Variants in FAM13B observed in about 807,000 individuals in gnomAD.
FAM13B encodes the protein protein FAM13B.
A neutral mutation model predicts 117.3 loss-of-function variants in FAM13B; 60 were observed. The observed-to-expected ratio is 0.51, with a 90% CI of 0.42 to 0.63. FAM13B has a LOEUF of 0.63. Ranked by LOEUF, FAM13B falls within the 30% of genes least tolerant of loss-of-function variation. The pLI, the probability that FAM13B is intolerant of heterozygous loss-of-function variation, is 0.00. For missense variants in FAM13B, 972 were observed against 1,091.9 expected (o/e 0.89, Z 1.55); for synonymous variants, 332 against 356.1 (o/e 0.93, Z 0.76).
chr5:137,946,402 C>G, intron 18 of FAM13B, 91 bp from the exon 19 acceptor site: 11 of 792,808 alleles, frequency 1.4e-5, no homozygotes, highest in Non-Finnish European at 6.0e-6. Flanking sequence ...CTCCTCACTC[C>G]CACAATGTAA....
At chr5:137,984,259 C>A (rs1024411548) in intron 10 of FAM13B, among the ~76,000 whole-genome samples, 3 of 152,082 alleles carry the variant, frequency 2.0e-5, no homozygotes, top group African/African-American at 7.2e-5. Context: ...GAGAAGTTAC[C>A]CTTTTATAAA....
intron 7 of FAM13B, among the ~76,000 whole-genome samples, chr5:137,999,015 T>A (rs1041138041): frequency 6.6e-6 from 1 of 152,066 alleles, no homozygotes; most frequent in African/African-American, 2.4e-5. Flanking sequence ...AGGTCCCCCA[T>A]CATTGGTGGC....
chr5:138,015,581 T>C (rs1440213849), intron 4 of FAM13B, among the ~76,000 whole-genome samples: 1 of 152,166 alleles, frequency 6.6e-6, no homozygotes, highest in East Asian at 1.9e-4. Flanking sequence ...CACACACCTG[T>C]AGTCCCTGCT....
chr5:138,030,094 T>G (rs1789497705), intron 1 of FAM13B, among the ~76,000 whole-genome samples: 1 of 152,218 alleles, frequency 6.6e-6, no homozygotes, highest in South Asian at 2.1e-4. Flanking sequence ...GCTAGTTCAC[T>G]GACCTGGAAC....
chr5:138,033,096 G>A, upstream of FAM13B: 1 of 979,580 alleles, frequency 1.0e-6, no homozygotes, highest in Non-Finnish European at 1.2e-6. Flanking sequence ...CGGAGGCCGG[G>A]CCGGACGTGA....
chr5:138,028,089 T>C (rs955411397), intron 1 of FAM13B, among the ~76,000 whole-genome samples: 2 of 152,248 alleles, frequency 1.3e-5, no homozygotes, highest in Non-Finnish European at 2.9e-5. Context: ...ATTAAGTTCA[T>C]ACTGGCTTGG....
In FAM13B at chr5:137,983,140, C is replaced by G. The variant is rs138633884; in HGVS notation, c.1179+2117G>C. ...AGAGATTCAGAAGAGGAAGAGCAAT[C>G]AGCAGAGGGGAATGAGAAAGAACAG... On this transcript the variant is annotated intron_variant, in intron 10 of 23. Coordinates refer to ENST00000689681, the MANE Select transcript of FAM13B (RefSeq NM_001385994.1). Among the ~76,000 whole-genome samples, 945 of 118,604 alleles carry G rather than the reference C, an allele frequency of 8.0e-3. 10 individuals are homozygous for G. Among genetic ancestry groups the G allele is most frequent in the Middle Eastern group, 0.03 (5 of 164 alleles). 77.8% of individuals were successfully genotyped at this position (118,604 alleles called of 152,430 possible).
At chr5:138,044,137 C>T (rs1461688023) in intron 1 of FAM13B, among the ~76,000 whole-genome samples, 1 of 152,002 alleles carries the variant, frequency 6.6e-6, no homozygotes, top group African/African-American at 2.4e-5. Context: ...CTATGTTGCC[C>T]AGGCTGGTCT....
chr5:138,014,241 G>A (rs1391509058), intron 4 of FAM13B, among the ~76,000 whole-genome samples: 15 of 152,176 alleles, frequency 9.9e-5, no homozygotes, highest in Admixed American at 9.8e-4. Flanking sequence ...CCAGCCATGA[G>A]GGCAGAGATT....
chr5:137,948,826 G>A (rs1344756367), intron 18 of FAM13B, 129 bp downstream of exon 18: 2 of 672,000 alleles, frequency 3.0e-6, no homozygotes. Flanking sequence ...TCATGTTTCT[G>A]AATCTGCAAA....
chr5:138,004,748 C>T (rs1156374317), intron 7 of FAM13B, among the ~76,000 whole-genome samples: 1 of 151,750 alleles, frequency 6.6e-6, no homozygotes, highest in African/African-American at 2.4e-5. Context: ...GGCATGGTAG[C>T]GAGCACCTGT....
chr5:137,986,813 C>G (rs572712215), intron 9 of FAM13B, among the ~76,000 whole-genome samples: 144 of 152,236 alleles, frequency 9.5e-4, no homozygotes, highest in Middle Eastern at 3.4e-3. Flanking sequence ...CACAACATCC[C>G]AAGGAGAGGT....
chr5:138,038,027 T>C (rs1791323654), upstream of FAM13B, among the ~76,000 whole-genome samples: 1 of 152,196 alleles, frequency 6.6e-6, no homozygotes, highest in African/African-American at 2.4e-5. Flanking sequence ...CCATATACAA[T>C]TTTTTCAGTT....
chr5:137,982,744 T>G (rs1445449504), intron 10 of FAM13B, among the ~76,000 whole-genome samples: 1 of 152,132 alleles, frequency 6.6e-6, no homozygotes, highest in African/African-American at 2.4e-5. Flanking sequence ...AATACACAGG[T>G]GTGTCTGTTT....
chr5:137,945,375 C>G (rs1763153171), intron 20 of FAM13B, among the ~76,000 whole-genome samples: 1 of 152,146 alleles, frequency 6.6e-6, no homozygotes, highest in Admixed American at 6.5e-5. Context: ...TTTAAAAATG[C>G]ACACAAATAC....
chr5:137,949,052 T>G lies in FAM13B; in HGVS notation c.2063A>C (p.Gln688Pro). 6.2e-7 allele frequency: 1 copy of G among 1,614,084 alleles called. No individual in the cohort carries two copies. Residue 688 changes from glutamine (Q) to proline (P), a missense_variant, in exon 18 of 24, where the codon CAG (glutamine) becomes CCG (proline). By Grantham distance (76) the Gln-to-Pro change is moderately conservative (BLOSUM62 -1). Transcript: ENST00000689681. Reference sequence around the variant, plus strand: ...TTCTTTAGATGGTTTTTTCTCCTTCTGAATGACCTTGGGTTCATCTTCATT... The same window carrying G: ...TTCTTTAGATGGTTTTTTCTCCTTCGGAATGACCTTGGGTTCATCTTCATT... ...EENEDEPKVI[Q>P]KEKKPSKEAT...
intron 10 of FAM13B, among the ~76,000 whole-genome samples, chr5:137,968,531 AGTTTATGTAGATCACATAAAGCT>A (rs879347264): frequency 6.6e-6 from 1 of 152,096 alleles, no homozygotes; most frequent in Non-Finnish European, 1.5e-5. Flanking sequence ...CTAGTACTAC[AGTTTATGTAGATCACATAAAGCT>A]GTTTATGTGA....
At position 138,011,059 on chromosome 5, in the gene FAM13B, C is replaced by T; in HGVS notation, c.639G>A (p.Glu213=). The T allele has an allele frequency of 6.2e-7, 1 of 1,607,764 alleles. No homozygotes were observed. ...GLLENYYEFF[E]NEEEDFSSND... The stretch of plus-strand genomic sequence containing the variant: ...TAGATGAAAAATCTTCCTCTTCATT[C>T]TCAAAAAACTCATAGTAGTTTTCCA... Residue 213 remains glutamate, a synonymous_variant, in exon 6 of 24, where the codon GAG becomes GAA. Coordinates refer to ENST00000689681, the MANE Select transcript of FAM13B (RefSeq NM_001385994.1).
At chr5:138,016,242 T>C (rs1381606886) in intron 4 of FAM13B, among the ~76,000 whole-genome samples, 1 of 152,176 alleles carries the variant, frequency 6.6e-6, no homozygotes, top group Non-Finnish European at 1.5e-5. Context: ...GTTTACAATT[T>C]ATGACCAGAA....
Sources: gnomAD v4.1 joint callset for allele counts (sites outside exome capture counted in the v4.1 genomes callset) on GRCh38, gnomAD v4.1.1 for gene constraint, MANE v1.5 for transcripts, NCBI Gene and HGNC (gene_info 2026-07-23, HGNC 2026-07-21) for gene names.